The following STRN3 variants were observed in gnomAD, a reference collection of about 807,000 sequenced individuals.
STRN3 encodes the protein striatin-3.
In STRN3, 29 loss-of-function variants were observed where a neutral mutation model predicts 95.6. The observed-to-expected ratio is 0.30, with a 90% CI of 0.23 to 0.41. STRN3 has a LOEUF of 0.41. STRN3 is among the 10% of genes least tolerant of loss of function. The probability of loss-of-function intolerance (pLI) is 1.00; values close to 1 mark genes in which losing one functional copy is unlikely to be tolerated. For missense variants in STRN3, 890 were observed against 972.1 expected, an observed-to-expected ratio of 0.92 and a Z score of 1.12; for synonymous variants, 331 against 357.6, an observed-to-expected ratio of 0.93 and a Z score of 0.84.
chr14:30,981,880 C>T lies in STRN3; in HGVS notation c.283-25638G>A, dbSNP rs185632610. On this transcript the variant is annotated intron_variant, in intron 1 of 17. Coordinates refer to ENST00000357479, the MANE Select transcript of STRN3 (RefSeq NM_001083893.2). The stretch of plus-strand genomic sequence containing the variant: ...GAGGCCAAGGTAGATGGATCACTTG[C>T]AGTCAGGAGTTCGAGACCAGCCTGG... Among the ~76,000 whole-genome samples the T allele has an allele frequency of 2.5e-3, 387 of 152,002 alleles. 1 individual carries two copies. The highest frequency in any genetic ancestry group is 8.7e-3 in the African/African-American group (360 of 41,488).
At chr14:30,966,464 C>A (rs886289506) in intron 1 of STRN3, among the ~76,000 whole-genome samples, 9 of 152,202 alleles carry the variant, frequency 5.9e-5, no homozygotes, top group African/African-American at 2.2e-4. Context: ...TGAGGAGGTG[C>A]ACCCTGCCCT....
At chr14:30,952,143 A>G (rs1462294087) in intron 3 of STRN3, among the ~76,000 whole-genome samples, 1 of 151,984 alleles carries the variant, frequency 6.6e-6, no homozygotes, top group Non-Finnish European at 1.5e-5. Context: ...AGAGTTTAAT[A>G]AACAGTATGA....
chr14:30,902,596 G>C lies in STRN3; in HGVS notation c.2077C>G (p.Leu693Val). Residue 693 changes from leucine to valine, a missense_variant, in exon 16 of 18, where the codon CTT (leucine) becomes GTT (valine). Transcript: ENST00000357479. Reference sequence around the variant, plus strand: ...TCATGAGCAGTTATTGTAACAGGAAGTGTGGGATGACTTACTACTCTGTTG... The same window carrying C: ...TCATGAGCAGTTATTGTAACAGGAACTGTGGGATGACTTACTACTCTGTTG... ...HINRVVSHPT[L>V]PVTITAHEDR... The C allele has an allele frequency of 1.2e-6, 2 of 1,609,176 alleles. No individual in the cohort carries two copies. Among genetic ancestry groups the C allele is most frequent in the Non-Finnish European group, 1.7e-6 (2 of 1,178,282 alleles).
At chr14:30,997,969 T>A (rs1882279770) in intron 1 of STRN3, among the ~76,000 whole-genome samples, 1 of 152,142 alleles carries the variant, frequency 6.6e-6, no homozygotes, top group Non-Finnish European at 1.5e-5. Context: ...ATTAAACAAA[T>A]ATGGCTGAAT....
chr14:30,942,526 CCT>C (rs1221763794), intron 5 of STRN3, among the ~76,000 whole-genome samples: 1 of 151,948 alleles, frequency 6.6e-6, no homozygotes, highest in African/African-American at 2.4e-5. Context: ...CAAATTTGGC[CCT>C]GAGATTCCAA....
At chr14:31,017,712 T>C (rs1883308865) in intron 1 of STRN3, among the ~76,000 whole-genome samples, 1 of 152,124 alleles carries the variant, frequency 6.6e-6, no homozygotes, top group African/African-American at 2.4e-5. Context: ...TTGTACTTTC[T>C]GCTAAATTTT....
At chr14:31,009,802 C>T (rs1014785483) in intron 1 of STRN3, among the ~76,000 whole-genome samples, 8 of 151,982 alleles carry the variant, frequency 5.3e-5, no homozygotes, top group Non-Finnish European at 1.2e-4. Flanking sequence ...AGTTTCTAAA[C>T]AATCAGTAAA....
Position 31,023,155 on chromosome 14 carries a change from C to T in STRN3, c.282+2749G>A, listed in dbSNP as rs116408709. ...ACAGGCACTACTGTGAAGAAAGAAT[C>T]ACTTGTAGAACTCTAAAAAATATGC... On this transcript the variant is annotated intron_variant, in intron 1 of 17. Transcript: ENST00000357479. Among the ~76,000 whole-genome samples the T allele has an allele frequency of 5.7e-3, 870 of 152,252 alleles. 4 individuals are homozygous for T. Among genetic ancestry groups the T allele is most frequent in the African/African-American group, 0.02 (831 of 41,534 alleles).
rs192016980 is a variant in STRN3, at chr14:31,008,360, T to C, written c.282+17544A>G. 1.1e-4 allele frequency among the ~76,000 whole-genome samples: 16 copies of C among 151,526 alleles called. No homozygotes were observed. In the East Asian group the frequency reaches 2.9e-3, roughly 28 times the overall value. On this transcript the variant is annotated intron_variant, in intron 1 of 17. Transcript: ENST00000357479. Reference sequence around the variant, plus strand: ...CCAGTCTCTATAAAAATACAAAAACTAGCTGGGCGTGGGAGTACACGCCTG... The same window carrying C: ...CCAGTCTCTATAAAAATACAAAAACCAGCTGGGCGTGGGAGTACACGCCTG...
At chr14:30,898,041 G>A (rs1322524496) in intron 16 of STRN3, among the ~76,000 whole-genome samples, 1 of 152,146 alleles carries the variant, frequency 6.6e-6, no homozygotes, top group Non-Finnish European at 1.5e-5. Flanking sequence ...ACTCAGGCCA[G>A]AGTACAGTGG....
intron 1 of STRN3, among the ~76,000 whole-genome samples, chr14:30,963,695 C>G (rs989486691): frequency 1.3e-5 from 2 of 152,142 alleles, no homozygotes; most frequent in African/African-American, 4.8e-5. Flanking sequence ...CAGGCATGAG[C>G]CACCATGCTC....
chr14:30,992,276 T>C (rs1229786799), intron 1 of STRN3, among the ~76,000 whole-genome samples: 1 of 151,626 alleles, frequency 6.6e-6, no homozygotes, highest in Non-Finnish European at 1.5e-5. Context: ...CTGGGCATGG[T>C]GGCGGGCGCC....
intron 8 of STRN3, 37 bp downstream of exon 8, chr14:30,929,164 G>A (rs1473201533): frequency 1.3e-6 from 2 of 1,501,808 alleles, no homozygotes; most frequent in African/African-American, 1.4e-5. Flanking sequence ...TCAATTATTG[G>A]TATACAAAAA....
intron 1 of STRN3, among the ~76,000 whole-genome samples, chr14:30,976,100 A>C (rs1881091005): frequency 6.6e-6 from 1 of 152,194 alleles, no homozygotes; most frequent in Admixed American, 6.5e-5. Flanking sequence ...AATTATTTAA[A>C]TAAGCCAATC....
chr14:30,959,876 C>CA (rs1387606936), intron 1 of STRN3, among the ~76,000 whole-genome samples: 1 of 152,096 alleles, frequency 6.6e-6, no homozygotes, highest in Non-Finnish European at 1.5e-5. Context: ...AAAAATTTAA[C>CA]AAAGGCATTA....
chr14:30,915,773 CA>C (rs1293538428), intron 9 of STRN3, among the ~76,000 whole-genome samples: 1 of 152,102 alleles, frequency 6.6e-6, no homozygotes, highest in African/African-American at 2.4e-5. Flanking sequence ...TTCACTGACA[CA>C]AATCTCAAAA....
At chr14:31,019,438 AATACT>A (rs1453541065) in intron 1 of STRN3, among the ~76,000 whole-genome samples, 1 of 152,246 alleles carries the variant, frequency 6.6e-6, no homozygotes, top group Admixed American at 6.5e-5. Context: ...GGGAGGTCAC[AATACT>A]ATATTATTTT....
At chr14:30,925,010 G>C (rs969202041) in intron 8 of STRN3, among the ~76,000 whole-genome samples, 1 of 152,052 alleles carries the variant, frequency 6.6e-6, no homozygotes, top group Non-Finnish European at 1.5e-5. Context: ...AAAGTTAAAA[G>C]GAAAAGAAAG....
At chr14:30,924,287 C>CTTATTTTTTTTTTTTTT (rs1896960239) in intron 8 of STRN3, among the ~76,000 whole-genome samples, 1 of 77,228 alleles carries the variant, frequency 1.3e-5, no homozygotes, top group Non-Finnish European at 2.2e-5. Flanking sequence ...TGCCTTAAAT[C>CTTATTTTTTTTTTTTTT]TTTTTTTTTT....
Sources: allele counts gnomAD v4.1 joint callset (sites outside exome capture counted in the v4.1 genomes callset), GRCh38; gene constraint gnomAD v4.1.1; transcripts MANE v1.5; gene names NCBI Gene and HGNC (gene_info 2026-07-23, HGNC 2026-07-21).